Variants in ESRRG observed in about 807,000 individuals in gnomAD.
ESRRG encodes the protein estrogen-related receptor gamma.
Under a neutral mutation model 44.0 loss-of-function variants are expected in ESRRG, and 13 were observed. The observed-to-expected ratio is 0.30, with a 90% CI of 0.19 to 0.47. ESRRG has a LOEUF of 0.47. Ranked by LOEUF, ESRRG falls within the 20% of genes least tolerant of loss-of-function variation. ESRRG has a pLI of 1.00. For synonymous variants in ESRRG, 215 were observed against 214.6 expected, an observed-to-expected ratio of 1.00 and a Z score of -0.02; for missense variants, 395 against 580.6, an observed-to-expected ratio of 0.68 and a Z score of 3.29.
intron 3 of ESRRG, among the ~76,000 whole-genome samples, chr1:216,579,803 G>A (rs2062390351): frequency 6.6e-6 from 1 of 152,150 alleles, no homozygotes; most frequent in African/African-American, 2.4e-5. Context: ...TAGATGTTGA[G>A]AATGGAGACT....
In ESRRG at chr1:216,780,808, T is replaced by C. The variant is rs192352620; in HGVS notation, c.-13-103317A>G. ...AACCAAGTTCCCAGACCTGTGTGCA[T>C]TCTCACGTGCCTTATGTCCTCTCTG... is the stretch of plus-strand genomic sequence containing the variant. On this transcript the variant is annotated intron_variant, in intron 2 of 7. Transcript: ENST00000359162. 1.3e-4 allele frequency among the ~76,000 whole-genome samples: 20 copies of C among 152,164 alleles called. No homozygotes were observed. In the East Asian group the frequency reaches 3.7e-3, roughly 28 times the overall value.
chr1:217,128,487 C>T (rs1002570231), intron 1 of ESRRG, among the ~76,000 whole-genome samples: 2 of 152,130 alleles, frequency 1.3e-5, no homozygotes, highest in Admixed American at 1.3e-4. Context: ...CCCTGTCAAC[C>T]TTTTGATTTT....
intron 2 of ESRRG, among the ~76,000 whole-genome samples, chr1:216,915,307 G>C (rs1052048782): frequency 3.9e-4 from 59 of 152,294 alleles, no homozygotes; most frequent in Non-Finnish European, 3.5e-4. Flanking sequence ...GGATGCCCAA[G>C]AGCCAGGTGG....
At chr1:216,814,119 G>A (rs766158) in intron 2 of ESRRG, among the ~76,000 whole-genome samples, 139,213 of 150,838 alleles carry the variant, frequency 0.92, 64,330 homozygotes, top group Middle Eastern at 0.97. Context: ...TTGGTCATGG[G>A]AAAAAAAAAA....
chr1:216,683,284 G>A (rs2077354345), intron 1 of ESRRG, among the ~76,000 whole-genome samples: 1 of 152,146 alleles, frequency 6.6e-6, no homozygotes, highest in Non-Finnish European at 1.5e-5. Flanking sequence ...CACACGCTCA[G>A]AAAGATAAAA....
chr1:216,666,678 T>C (rs1191727624), intron 2 of ESRRG, among the ~76,000 whole-genome samples: 8 of 152,196 alleles, frequency 5.3e-5, no homozygotes. Flanking sequence ...GCATGTCCTC[T>C]GGGGAAAGTC....
At chr1:216,990,287 T>C (rs2075485065) in intron 1 of ESRRG, among the ~76,000 whole-genome samples, 1 of 152,228 alleles carries the variant, frequency 6.6e-6, no homozygotes, top group African/African-American at 2.4e-5. Flanking sequence ...TGAGTCCTAT[T>C]GTTAAAGTTG....
chr1:217,103,160 T>A (rs1453391940), intron 1 of ESRRG, among the ~76,000 whole-genome samples: 1 of 146,762 alleles, frequency 6.8e-6, no homozygotes, highest in Non-Finnish European at 1.5e-5. Context: ...ACATGTTTAT[T>A]CTGTTCATTT....
intron 1 of ESRRG, among the ~76,000 whole-genome samples, chr1:217,032,862 G>A (rs1250584284): frequency 1.3e-5 from 2 of 152,122 alleles, no homozygotes; most frequent in Admixed American, 6.5e-5. Context: ...ATGCTCTATT[G>A]TGCAATAATT....
chr1:216,507,799 ATGG>A (rs2041603888), intron 6 of ESRRG, among the ~76,000 whole-genome samples: 1 of 152,196 alleles, frequency 6.6e-6, no homozygotes, highest in Admixed American at 6.5e-5. Flanking sequence ...TGAAAAACAA[ATGG>A]TGTCTTCAGA....
At chr1:216,695,313 A>C (rs2079921682) in intron 1 of ESRRG, among the ~76,000 whole-genome samples, 1 of 150,352 alleles carries the variant, frequency 6.7e-6, no homozygotes, top group East Asian at 1.9e-4. Flanking sequence ...TGTAGAACTA[A>C]ACACACACAC....
At chr1:217,030,238 T>C (rs1315043710) in intron 1 of ESRRG, among the ~76,000 whole-genome samples, 1 of 152,022 alleles carries the variant, frequency 6.6e-6, no homozygotes, top group East Asian at 1.9e-4. Flanking sequence ...GTCCCTTCAC[T>C]CTTCTCTGTG....
At chr1:217,019,514 G>A (rs1315351671) in intron 1 of ESRRG, among the ~76,000 whole-genome samples, 1 of 152,162 alleles carries the variant, frequency 6.6e-6, no homozygotes, top group African/African-American at 2.4e-5. Flanking sequence ...TGCTTAGAGT[G>A]TGCAAGGATA....
At chr1:217,051,738 T>C (rs1301718484) in intron 1 of ESRRG, among the ~76,000 whole-genome samples, 1 of 152,204 alleles carries the variant, frequency 6.6e-6, no homozygotes, top group Non-Finnish European at 1.5e-5. Context: ...TTATCCCATC[T>C]GGAGTCCTAT....
Position 216,525,119 on chromosome 1 carries a change from T to C in ESRRG, c.863-5698A>G, listed in dbSNP as rs543196746. On this transcript the variant is annotated intron_variant, in intron 5 of 6. Transcript: ENST00000408911. ...ATCAGCTTGCTAGAAAAATTTAAAA[T>C]ACAATAGCAGCTAAGAAAAAATATT... 9.9e-5 allele frequency among the ~76,000 whole-genome samples: 15 copies of C among 152,278 alleles called. 1 individual carries two copies. Among genetic ancestry groups the C allele is most frequent in the African/African-American group, 3.6e-4 (15 of 41,572 alleles).
intron 2 of ESRRG, among the ~76,000 whole-genome samples, chr1:216,929,142 A>G (rs569647967): frequency 2.7e-4 from 41 of 152,256 alleles, no homozygotes; most frequent in African/African-American, 9.1e-4. Flanking sequence ...AAAAAACCAC[A>G]CTGGTCTCCC....
chr1:216,619,423 T>C (rs2061872597), intron 3 of ESRRG, among the ~76,000 whole-genome samples: 2 of 152,194 alleles, frequency 1.3e-5, no homozygotes, highest in Non-Finnish European at 2.9e-5. Flanking sequence ...ATTATCTTCA[T>C]GGTTCCTGCT....
In ESRRG at chr1:216,723,295, T is replaced by C. The variant is rs1453652160; in HGVS notation, c.5A>G (p.Asp2Gly). The change falls in exon 1 of 7, where the codon GAT becomes GGT. Residue 2 changes from aspartate (D) to glycine (G), a missense_variant. Physicochemically the swap from Asp to Gly is moderately conservative, Grantham distance 94. Around this residue, in one of 5 missense-constraint regions of ESRRG, gnomAD observed 148 missense variants for 150.4 expected, o/e 0.98. Coordinates refer to ENST00000408911, the MANE Select transcript of ESRRG (RefSeq NM_001438.4). ...TTCAGGAAGGCAAAGTTCTACCGAA[T>C]CCATGTGCGACCGGCAACCATTATT... M[D>G]SVELCLPESF... 6.2e-7 allele frequency: 1 copy of C among 1,609,600 alleles called. No individual in the cohort carries two copies. The highest frequency in any genetic ancestry group is 1.1e-5 in the South Asian group (1 of 91,002).
Position 217,070,720 on chromosome 1 carries a change from A to G in ESRRG, c.-106+18787T>C, listed in dbSNP as rs115063425. ...GGAAAAGTAAAATAATGCTTTTAACATTGTTTGTCCTCACATAAATGTACC... is the reference window on the plus strand; with the variant it reads ...GGAAAAGTAAAATAATGCTTTTAACGTTGTTTGTCCTCACATAAATGTACC... On this transcript the variant is annotated intron_variant, in intron 1 of 7. Coordinates refer to the ESRRG transcript ENST00000359162. Among the ~76,000 whole-genome samples, 1,214 of 152,320 alleles carry G rather than the reference A, an allele frequency of 8.0e-3. 22 individuals are homozygous for G. The highest frequency in any genetic ancestry group is 0.028 in the African/African-American group (1,150 of 41,580).
Sources: gnomAD v4.1 joint callset for allele counts (sites outside exome capture counted in the v4.1 genomes callset) on GRCh38, gnomAD v4.1.1 for gene constraint, gnomAD v4.1.1 regional missense constraint, MANE v1.5 for transcripts, NCBI Gene and HGNC (gene_info 2026-07-23, HGNC 2026-07-21) for gene names.